The following ADCY2 variants were observed in gnomAD, a reference collection of about 807,000 sequenced individuals.
ADCY2 encodes the protein adenylate cyclase type 2.
ADCY2 carries 31 observed loss-of-function variants against 125.2 expected under a neutral mutation model. The observed-to-expected ratio is 0.25, with a 90% CI of 0.19 to 0.33. The LOEUF is 0.33. Ranked by LOEUF, ADCY2 falls within the 10% of genes least tolerant of loss-of-function variation. The pLI, the probability that ADCY2 is intolerant of heterozygous loss-of-function variation, is 1.00. For missense variants in ADCY2, 904 were observed against 1,418.2 expected, an observed-to-expected ratio of 0.64 and a Z score of 5.82; for synonymous variants, 512 against 548.4, an observed-to-expected ratio of 0.93 and a Z score of 0.93.
At position 7,405,252 on chromosome 5, in the gene ADCY2, C is replaced by A. The variant is rs931855343; in HGVS notation, c.210+8746C>A. 5.3e-5 allele frequency among the ~76,000 whole-genome samples: 8 copies of A among 151,676 alleles called. No individual in the cohort carries two copies. In the East Asian group the frequency reaches 1.2e-3, roughly 22 times the overall value. On this transcript the variant is annotated intron_variant, in intron 1 of 24. Coordinates refer to ENST00000338316, the MANE Select transcript of ADCY2 (RefSeq NM_020546.3). ...TCATATGCCTGGAAGAAGGATGTAT[C>A]AATTAACTTGTGCTGTGTAACAACC...
chr5:7,434,451 C>G lies in ADCY2; in HGVS notation c.408+19681C>G, dbSNP rs147699337. Among the ~76,000 whole-genome samples the G allele has an allele frequency of 3.1e-3, 479 of 152,318 alleles. 1 individual carries two copies. The highest frequency in any genetic ancestry group is 0.011 in the African/African-American group (455 of 41,550). On this transcript the variant is annotated intron_variant, in intron 2 of 24. Coordinates refer to ENST00000338316, the MANE Select transcript of ADCY2 (RefSeq NM_020546.3). ...TGTGTGTGCTGCATTCACTGACTTG[C>G]ATTCCAAGCCACCTTCACCTTAGAG... is the stretch of plus-strand genomic sequence containing the variant.
rs141912913 is a variant in ADCY2 at position 7,697,475 on chromosome 5, G to A, written c.982-772G>A. On this transcript the variant is annotated intron_variant, in intron 6 of 24. Coordinates refer to ENST00000338316, the MANE Select transcript of ADCY2 (RefSeq NM_020546.3). ...GTAAAGCACATAACCTTACACTAAG[G>A]AACTCAAAACCATTGCCATTCACTG... Among the ~76,000 whole-genome samples, 1,060 of 152,226 alleles carry A rather than the reference G, an allele frequency of 7.0e-3. 9 individuals carry two copies. Among genetic ancestry groups the A allele is most frequent in the Non-Finnish European group, 0.011 (722 of 68,028 alleles).
At chr5:7,756,560 G>A (rs1742997015) in intron 15 of ADCY2, among the ~76,000 whole-genome samples, 2 of 152,140 alleles carry the variant, frequency 1.3e-5, no homozygotes, top group Admixed American at 1.3e-4. Context: ...ACATTATGCT[G>A]AAAGAAATAA....
rs191788744 is a variant in ADCY2 at position 7,763,283 on chromosome 5, G to C, written c.2095-3404G>C. On this transcript the variant is annotated intron_variant, in intron 16 of 24. Transcript: ENST00000338316. ...TTTTTTGTATTTTTTAGTAGAGACG[G>C]GGTTTCACCATGTTAGCCAAGATGG... 2.6e-3 allele frequency among the ~76,000 whole-genome samples: 387 copies of C among 151,634 alleles called. 1 individual carries two copies. The highest frequency in any genetic ancestry group is 4.3e-3 in the Non-Finnish European group (295 of 67,868).
At chr5:7,793,495 A>C (rs1010201467) in intron 20 of ADCY2, 5 of 152,206 alleles carry the variant, frequency 3.3e-5, no homozygotes, top group Non-Finnish European at 7.3e-5. Flanking sequence ...TGTAGCATTC[A>C]CCACCCTGCG....
At chr5:7,710,634 A>G (rs1561181377) in intron 10 of ADCY2, among the ~76,000 whole-genome samples, 1 of 152,172 alleles carries the variant, frequency 6.6e-6, no homozygotes, top group Non-Finnish European at 1.5e-5. Flanking sequence ...CTGTGGCTGG[A>G]GCATCATGAA....
rs923823690 is a variant in ADCY2 at position 7,707,041 on chromosome 5, C to A, written c.1268+139C>A. ...GTATCATGTTACTCACGCCCAACGG[C>A]CTCTTATGTTAAGCAGATAAAGACG... is the stretch of plus-strand genomic sequence containing the variant. On this transcript the variant is annotated intron_variant, in intron 8 of 24. Coordinates refer to ENST00000338316, the MANE Select transcript of ADCY2 (RefSeq NM_020546.3). 7 of 1,058,174 alleles carry A rather than the reference C, an allele frequency of 6.6e-6. 1 individual carries two copies. The East Asian group carries it at 1.8e-4, about 28-fold the overall frequency. 65.5% of individuals were successfully genotyped at this position (1,058,174 alleles called of 1,614,324 possible).
chr5:7,407,845 A>G (rs1428185257), intron 1 of ADCY2, among the ~76,000 whole-genome samples: 1 of 150,576 alleles, frequency 6.6e-6, no homozygotes, highest in East Asian at 1.9e-4. Flanking sequence ...AGATTCTGGC[A>G]CAAATTCCTT....
intron 2 of ADCY2, among the ~76,000 whole-genome samples, chr5:7,494,038 A>G (rs116223795): frequency 2.6e-3 from 399 of 152,214 alleles, no homozygotes; most frequent in African/African-American, 5.6e-3. Context: ...GCTCTGTGCA[A>G]TGTAGGCTTG....
intron 3 of ADCY2, among the ~76,000 whole-genome samples, chr5:7,535,522 A>G (rs1331215486): frequency 6.6e-6 from 1 of 152,232 alleles, no homozygotes; most frequent in African/African-American, 2.4e-5. Context: ...CAAGCATGAC[A>G]GCTAAATGTA....
At chr5:7,486,746 G>A (rs1486085019) in intron 2 of ADCY2, among the ~76,000 whole-genome samples, 2 of 152,162 alleles carry the variant, frequency 1.3e-5, no homozygotes, top group Non-Finnish European at 2.9e-5. Context: ...TGACTTTGGA[G>A]CACATACTGC....
At chr5:7,447,218 C>A (rs929766567) in intron 2 of ADCY2, among the ~76,000 whole-genome samples, 2 of 152,128 alleles carry the variant, frequency 1.3e-5, no homozygotes, top group African/African-American at 4.8e-5. Context: ...AGCTCTTCTG[C>A]AACTCTCGGG....
chr5:7,693,338 A>C (rs367834810), intron 5 of ADCY2, among the ~76,000 whole-genome samples: 2 of 151,428 alleles, frequency 1.3e-5, no homozygotes, highest in Non-Finnish European at 2.9e-5. Context: ...CTATGGTCCC[A>C]TAAGTGCACT....
chr5:7,692,554 G>C (rs909807859), intron 5 of ADCY2, among the ~76,000 whole-genome samples: 2 of 152,188 alleles, frequency 1.3e-5, no homozygotes, highest in Non-Finnish European at 2.9e-5. Context: ...AATTATAGAA[G>C]AAACATTTAC....
intron 7 of ADCY2, among the ~76,000 whole-genome samples, chr5:7,701,600 C>T (rs556330021): frequency 6.6e-6 from 1 of 152,266 alleles, no homozygotes; most frequent in Non-Finnish European, 1.5e-5. Flanking sequence ...CTTCCAGAAC[C>T]TTTTCATCAC....
rs1353385799 is a variant in ADCY2 at position 7,430,532 on chromosome 5, A to G, written c.408+15762A>G. Among the ~76,000 whole-genome samples the G allele has an allele frequency of 2.0e-5, 3 of 148,244 alleles. No homozygotes were observed. In the East Asian group the frequency reaches 5.8e-4, roughly 29 times the overall value. On this transcript the variant is annotated intron_variant, in intron 2 of 24. Coordinates refer to ENST00000338316, the MANE Select transcript of ADCY2 (RefSeq NM_020546.3). The stretch of plus-strand genomic sequence containing the variant: ...TGTTCATGTGTGTATGTATATATAT[A>G]TACTATATATATATAGTATATTGAT...
chr5:7,547,828 G>A (rs943410960), intron 3 of ADCY2, among the ~76,000 whole-genome samples: 7 of 152,184 alleles, frequency 4.6e-5, no homozygotes, highest in Admixed American at 2.0e-4. Flanking sequence ...GACTTCTTGC[G>A]GAGGGACTAT....
chr5:7,608,118 A>G (rs1737445641), intron 3 of ADCY2, among the ~76,000 whole-genome samples: 1 of 152,240 alleles, frequency 6.6e-6, no homozygotes, highest in East Asian at 1.9e-4. Context: ...AAGAATGCTA[A>G]TTAATTAAAC....
intron 19 of ADCY2, 92 bp downstream of exon 19, chr5:7,784,541 A>C (rs1183755267): frequency 3.3e-6 from 3 of 897,556 alleles, no homozygotes; most frequent in Non-Finnish European, 3.4e-6. Context: ...ATCTTCTTGG[A>C]AACAAACGTC....
Sources: gnomAD v4.1 joint callset for allele counts (sites outside exome capture counted in the v4.1 genomes callset) on GRCh38, gnomAD v4.1.1 for gene constraint, MANE v1.5 for transcripts, NCBI Gene and HGNC (gene_info 2026-07-23, HGNC 2026-07-21) for gene names.